The following POLA1 variants were observed in gnomAD, a reference collection of about 807,000 sequenced individuals.
POLA1 encodes the protein DNA polymerase alpha catalytic subunit.
In POLA1, 15 loss-of-function variants were observed where a neutral mutation model predicts 124.0. That is an observed-to-expected ratio of 0.12 (90% CI 0.08 to 0.19). The LOEUF (loss-of-function observed/expected upper bound fraction) is 0.19, where lower values mean the gene tolerates loss of function less well. POLA1 is among the 10% of genes least tolerant of loss of function. The pLI is 1.00. For synonymous variants in POLA1, 408 were observed against 389.4 expected (o/e 1.05, Z -0.56); for missense variants, 886 against 1,103.4 (o/e 0.80, Z 2.79).
chrX:24,866,977 G>A (rs1395545554), intron 34 of POLA1, among the ~76,000 whole-genome samples: 1 of 111,607 alleles, frequency 9.0e-6, no homozygotes, highest in Non-Finnish European at 1.9e-5. Context: ...AAAAAAATTA[G>A]TATAGATCGT....
intron 34 of POLA1, among the ~76,000 whole-genome samples, chrX:24,854,934 A>C (rs2046623179): frequency 1.8e-5 from 2 of 112,123 alleles, no homozygotes; most frequent in African/African-American, 6.5e-5. Context: ...TGTTTATTAA[A>C]TACATTATGC....
At chrX:24,790,940 T>TATATAA (rs1491408752) in intron 26 of POLA1, among the ~76,000 whole-genome samples, 8 of 98,378 alleles carry the variant, frequency 8.1e-5, no homozygotes, top group African/African-American at 2.2e-4. Flanking sequence ...TATATATATA[T>TATATAA]AAAACATTTA....
chrX:24,842,792 A>G (rs1453579126), intron 33 of POLA1, among the ~76,000 whole-genome samples: 1 of 111,764 alleles, frequency 8.9e-6, no homozygotes, highest in Non-Finnish European at 1.9e-5. Context: ...CGTGGCGGGT[A>G]GGGTTATGTA....
intron 34 of POLA1, among the ~76,000 whole-genome samples, chrX:24,857,867 G>A (rs1352482968): frequency 1.8e-5 from 2 of 110,607 alleles, no homozygotes; most frequent in Non-Finnish European, 3.8e-5. Flanking sequence ...GTGTATATAC[G>A]CCTAGAGAGA....
chrX:24,841,721 G>A lies in POLA1; in HGVS notation c.3806G>A (p.Gly1269Asp). Residue 1269 changes from glycine to aspartate, a missense_variant, in exon 33 of 37, where the codon GGC (glycine) becomes GAC (aspartate). Gly to Asp is a moderately conservative substitution (Grantham distance 94). Coordinates refer to ENST00000379068, the MANE Select transcript of POLA1 (RefSeq NM_001330360.2). ...KDEENDALLG[G>D]PAQLTDEEKY... ...GAAGAGAATGATGCTCTACTTGGTG[G>A]CCCAGCACAGCTCACTGATGAAGAG... 1 of 1,180,948 alleles carries A rather than the reference G, an allele frequency of 8.5e-7. No homozygotes were observed. The highest frequency in any genetic ancestry group is 1.2e-6 in the Non-Finnish European group (1 of 869,293).
chrX:24,710,075 C>T (rs1440214875), intron 4 of POLA1, among the ~76,000 whole-genome samples: 1 of 104,755 alleles, frequency 9.5e-6, no homozygotes, highest in Non-Finnish European at 2.0e-5. Flanking sequence ...GGGGCCCGTC[C>T]GCTCCTCCAG....
At position 24,699,560 on chromosome X, in the gene POLA1, AT is replaced by A; in HGVS notation, c.168+16del. The A allele has an allele frequency of 8.8e-7, 1 of 1,130,266 alleles. No homozygotes were observed. Among genetic ancestry groups the A allele is most frequent in the Non-Finnish European group, 1.2e-6 (1 of 847,467 alleles). The allele number at this position is 1,130,266 out of a possible 1,213,427, so 93.1% of individuals were successfully genotyped here. A position where few individuals can be genotyped will look rare whatever the true frequency, so the allele number is the denominator to read the frequency against. On this transcript the variant is annotated intron_variant, in intron 2 of 36. Transcript: ENST00000379068. Reference sequence around the variant, plus strand: ...AAGTATAAATATGAAGTAAGTAACCATTTTTCTTCTTTATTCTTCCTGTGCA... The same window carrying A: ...AAGTATAAATATGAAGTAAGTAACCATTTTCTTCTTTATTCTTCCTGTGCA...
chrX:24,780,589 T>C (rs2045242697), intron 26 of POLA1, among the ~76,000 whole-genome samples: 1 of 112,479 alleles, frequency 8.9e-6, no homozygotes, highest in South Asian at 3.7e-4. Flanking sequence ...GTTTTATTTT[T>C]TAGTTTGTTA....
intron 27 of POLA1, 106 bp downstream of exon 27, chrX:24,810,036 G>C: frequency 2.0e-6 from 1 of 490,499 alleles, no homozygotes; most frequent in Non-Finnish European, 3.4e-6. Flanking sequence ...TGCTTCTTAG[G>C]TTGCCTAGTT....
At chrX:24,847,941 C>T (rs2046497862) in intron 34 of POLA1, among the ~76,000 whole-genome samples, 1 of 111,914 alleles carries the variant, frequency 8.9e-6, no homozygotes, top group African/African-American at 3.2e-5. Flanking sequence ...AAATAAAGCT[C>T]TTTGTTACTT....
chrX:24,911,117 C>T (rs1255176928), intron 35 of POLA1, among the ~76,000 whole-genome samples: 1 of 112,138 alleles, frequency 8.9e-6, no homozygotes. Flanking sequence ...AAACAGCACA[C>T]TTCTCAATAA....
intron 34 of POLA1, among the ~76,000 whole-genome samples, chrX:24,850,555 C>A (rs1438696467): frequency 1.8e-5 from 2 of 111,603 alleles, no homozygotes; most frequent in South Asian, 3.8e-4. Context: ...ATGACATGAA[C>A]CCGGTTTGGG....
intron 34 of POLA1, among the ~76,000 whole-genome samples, chrX:24,864,531 C>A (rs1317475796): frequency 9.0e-6 from 1 of 111,643 alleles, no homozygotes; most frequent in African/African-American, 3.3e-5. Context: ...TCCAACCTTC[C>A]CTTTCCACAG....
chrX:24,864,729 T>C (rs189056011), intron 34 of POLA1, among the ~76,000 whole-genome samples: 100 of 110,991 alleles, frequency 9.0e-4, no homozygotes, highest in African/African-American at 3.1e-3. Flanking sequence ...ATGGAATGTT[T>C]TTTTTTTTTT....
chrX:24,803,287 A>G (rs896744447), intron 26 of POLA1, among the ~76,000 whole-genome samples: 32 of 111,186 alleles, frequency 2.9e-4, no homozygotes, highest in Middle Eastern at 4.6e-3. Flanking sequence ...AGCTGGAGAG[A>G]AGGAGAGCAC....
chrX:24,833,745 C>G (rs1054516291), intron 32 of POLA1, among the ~76,000 whole-genome samples: 1 of 111,750 alleles, frequency 8.9e-6, no homozygotes, highest in South Asian at 3.7e-4. Context: ...ATTTTATATT[C>G]CAAATATATT....
intron 35 of POLA1, among the ~76,000 whole-genome samples, chrX:24,917,235 G>A (rs1287886250): frequency 9.2e-6 from 1 of 108,523 alleles, no homozygotes. Context: ...GCAGTGAGCC[G>A]AGATTGCACC....
intron 36 of POLA1, among the ~76,000 whole-genome samples, chrX:24,993,264 G>T (rs1357585110): frequency 8.9e-6 from 1 of 112,272 alleles, no homozygotes; most frequent in African/African-American, 3.2e-5. Context: ...CCCCGATCTC[G>T]ACAAAGGTTG....
chrX:24,990,259 T>C (rs1349063612), intron 36 of POLA1, among the ~76,000 whole-genome samples: 1 of 112,571 alleles, frequency 8.9e-6, no homozygotes, highest in Non-Finnish European at 1.9e-5. Flanking sequence ...TCCTTTCCCA[T>C]GAAGAGTAAT....
Sources: gnomAD v4.1 joint callset for allele counts (sites outside exome capture counted in the v4.1 genomes callset) on GRCh38, gnomAD v4.1.1 for gene constraint, MANE v1.5 for transcripts, NCBI Gene and HGNC (gene_info 2026-07-23, HGNC 2026-07-21) for gene names.